Variants in PROK2 observed in about 807,000 individuals in gnomAD.
PROK2 encodes prokineticin 2, also known as prokineticin-2.
In PROK2, 8 loss-of-function variants were observed where a neutral mutation model predicts 14.2. The observed-to-expected ratio is 0.56, with a 90% CI of 0.33 to 1.02. PROK2 has a LOEUF of 1.02. PROK2 is among the 50% of genes least tolerant of loss of function. The pLI is 0.03. For synonymous variants in PROK2, 59 were observed against 60.7 expected (o/e 0.97, Z 0.13); for missense variants, 154 against 160.4 (o/e 0.96, Z 0.22).
rs2050118816 is a variant in PROK2 at position 71,776,363 on chromosome 3, C to CTTTTTTTTTTTTTTT, written c.223-1857_223-1856insAAAAAAAAAAAAAAA. ...CTTTTCTTTTTTTCTTTTCGCTTTT[C>CTTTTTTTTTTTTTTT]ATTTTTTTTTTTTTTTTTTTTTTTT... On this transcript the variant is annotated intron_variant, in intron 2 of 3. Coordinates refer to ENST00000295619, the MANE Select transcript of PROK2 (RefSeq NM_001126128.2). Among the ~76,000 whole-genome samples, 5 of 92,070 alleles carry CTTTTTTTTTTTTTTT rather than the reference C, an allele frequency of 5.4e-5. 1 individual carries two copies. Among genetic ancestry groups the CTTTTTTTTTTTTTTT allele is most frequent in the African/African-American group, 2.2e-4 (5 of 22,464 alleles). 60.4% of individuals were successfully genotyped at this position (92,070 alleles called of 152,430 possible). A position where few individuals can be genotyped will look rare whatever the true frequency, so the allele number is the denominator to read the frequency against.
At chr3:71,772,939 T>C in intron 3 of PROK2, 111 bp from the exon 4 acceptor site, 1 of 848,686 alleles carries the variant, frequency 1.2e-6, no homozygotes, top group Admixed American at 2.0e-5. Context: ...TACTGAGCGT[T>C]AACTACCCAT....
At chr3:71,781,124 T>G (rs889329297) in intron 2 of PROK2, among the ~76,000 whole-genome samples, 1 of 152,224 alleles carries the variant, frequency 6.6e-6, no homozygotes, top group African/African-American at 2.4e-5. Context: ...TTTAAGAACT[T>G]CTATACTCAG....
chr3:71,775,374 G>A (rs761221988), intron 2 of PROK2, among the ~76,000 whole-genome samples: 1 of 152,192 alleles, frequency 6.6e-6, no homozygotes, highest in Non-Finnish European at 1.5e-5. Context: ...GCATCGTGGA[G>A]CTTCCCTCTT....
intron 2 of PROK2, among the ~76,000 whole-genome samples, chr3:71,777,909 A>G (rs1346622936): frequency 1.3e-5 from 2 of 151,840 alleles, no homozygotes; most frequent in African/African-American, 4.8e-5. Flanking sequence ...GTCATTCTTA[A>G]GTGTTAAAAA....
At chr3:71,775,806 A>G (rs2050113289) in intron 2 of PROK2, among the ~76,000 whole-genome samples, 1 of 152,124 alleles carries the variant, frequency 6.6e-6, no homozygotes, top group South Asian at 2.1e-4. Context: ...TTTACTCATG[A>G]GCATATAGCT....
chr3:71,783,362 T>C (rs2050183549), intron 1 of PROK2, among the ~76,000 whole-genome samples: 1 of 152,150 alleles, frequency 6.6e-6, no homozygotes, highest in African/African-American at 2.4e-5. Flanking sequence ...TTTTTAAAAT[T>C]CTCTTTTTGT....
chr3:71,779,757 C>G (rs575657831), intron 2 of PROK2, among the ~76,000 whole-genome samples: 5 of 152,060 alleles, frequency 3.3e-5, no homozygotes, highest in Non-Finnish European at 7.4e-5. Flanking sequence ...CAGGTGTGTG[C>G]CACCATGCCC....
chr3:71,784,984 G>T lies in PROK2; in HGVS notation c.69C>A (p.Arg23=). Residue 23 remains arginine, a synonymous_variant, in exon 1 of 4, where the codon CGC becomes CGA. Coordinates refer to ENST00000295619, the MANE Select transcript of PROK2 (RefSeq NM_001126128.2). The part of the protein sequence containing the change: ...LLLPPLLLTP[R]AGDAAVITGA... The stretch of plus-strand genomic sequence containing the variant: ...CGGTGATCACGGCGGCGTCCCCAGC[G>T]CGGGGCGTGAGCAGCAGCGGCGGCA... 8.0e-7 allele frequency: 1 copy of T among 1,249,968 alleles called. No individual in the cohort carries two copies. 77.4% of individuals were successfully genotyped at this position (1,249,968 alleles called of 1,614,324 possible). A position where few individuals can be genotyped will look rare whatever the true frequency, so the allele number is the denominator to read the frequency against.
In PROK2 at chr3:71,784,992, T is replaced by A; in HGVS notation, c.61A>T (p.Thr21Ser). ...LLLLLPPLLL[T>S]PRAGDAAVIT... ...ACGGCGGCGTCCCCAGCGCGGGGCG[T>A]GAGCAGCAGCGGCGGCAGCAGCAAG... The change falls in exon 1 of 4, where the codon ACG (threonine) becomes TCG (serine). Residue 21 changes from threonine (T) to serine (S), a missense_variant. Coordinates refer to ENST00000295619, the MANE Select transcript of PROK2 (RefSeq NM_001126128.2). The A allele has an allele frequency of 8.0e-7, 1 of 1,249,178 alleles. No individual in the cohort carries two copies. The allele number at this position is 1,249,178 out of a possible 1,614,324, so 77.4% of individuals were successfully genotyped here.
intron 2 of PROK2, among the ~76,000 whole-genome samples, chr3:71,777,058 T>C (rs921646419): frequency 2.6e-5 from 4 of 152,250 alleles, no homozygotes; most frequent in Non-Finnish European, 4.4e-5. Flanking sequence ...GGAAATGTTT[T>C]GTGTCTTAAC....
chr3:71,782,051 C>T (rs1323467767), intron 1 of PROK2, among the ~76,000 whole-genome samples: 1 of 152,208 alleles, frequency 6.6e-6, no homozygotes, highest in Non-Finnish European at 1.5e-5. Flanking sequence ...GTCTCTAAAT[C>T]TGGCATGAAA....
chr3:71,784,921 G>T, intron 1 of PROK2, 36 bp downstream of exon 1: 1 of 1,223,642 alleles, frequency 8.2e-7, no homozygotes, highest in Non-Finnish European at 1.0e-6. Flanking sequence ...TCCCAGGCGC[G>T]CATCAGGGGC....
At chr3:71,774,363 C>T in intron 3 of PROK2, 82 bp downstream of exon 3, 1 of 1,548,522 alleles carries the variant, frequency 6.5e-7, no homozygotes, top group Non-Finnish European at 8.7e-7. Context: ...AGGACAGACC[C>T]AACTCTATGG....
chr3:71,775,874 C>G (rs531888088), intron 2 of PROK2, among the ~76,000 whole-genome samples: 2 of 152,224 alleles, frequency 1.3e-5, no homozygotes, highest in Admixed American at 1.3e-4. Flanking sequence ...AATCAAATGC[C>G]CTGCAATGCC....
rs1337011837 is a variant in PROK2 at position 71,784,972 on chromosome 3, G to T, written c.81C>A (p.Ala27=). ...GGCCGCTTACCCCGGTGATCACGGC[G>T]GCGTCCCCAGCGCGGGGCGTGAGCA... ...PLLLTPRAGD[A]AVITGACDKD... Residue 27 remains alanine (A), a synonymous_variant, in exon 1 of 4, where the codon GCC becomes GCA. Coordinates refer to ENST00000295619, the MANE Select transcript of PROK2 (RefSeq NM_001126128.2). The T allele has an allele frequency of 2.1e-5, 26 of 1,249,120 alleles. No individual in the cohort carries two copies. The highest frequency in any genetic ancestry group is 2.6e-5 in the Non-Finnish European group (26 of 994,750). The allele number at this position is 1,249,120 out of a possible 1,614,324, so 77.4% of individuals were successfully genotyped here. A position where few individuals can be genotyped will look rare whatever the true frequency, so the allele number is the denominator to read the frequency against.
intron 2 of PROK2, among the ~76,000 whole-genome samples, chr3:71,775,570 T>A (rs2050111658): frequency 6.6e-6 from 1 of 152,192 alleles, no homozygotes. Flanking sequence ...GAAGGCATCA[T>A]GTATGAATGT....
intron 2 of PROK2, among the ~76,000 whole-genome samples, chr3:71,776,528 C>T (rs2050121541): frequency 6.6e-6 from 1 of 151,994 alleles, no homozygotes; most frequent in African/African-American, 2.4e-5. Context: ...CAGGCATGTG[C>T]CACCATGCCC....
At chr3:71,783,929 T>C (rs1041881907) in intron 1 of PROK2, among the ~76,000 whole-genome samples, 6 of 152,028 alleles carry the variant, frequency 3.9e-5, no homozygotes, top group African/African-American at 1.4e-4. Context: ...ATAGAGAAAA[T>C]AGAGCTTGAT....
chr3:71,776,802 CA>C (rs2108192688), intron 2 of PROK2, among the ~76,000 whole-genome samples: 1 of 152,264 alleles, frequency 6.6e-6, no homozygotes, highest in African/African-American at 2.4e-5. Context: ...ATCACAAATG[CA>C]AGAGAAAGTG....
Sources: allele counts gnomAD v4.1 joint callset (sites outside exome capture counted in the v4.1 genomes callset), GRCh38; gene constraint gnomAD v4.1.1; transcripts MANE v1.5; gene names NCBI Gene and HGNC (gene_info 2026-07-23, HGNC 2026-07-21).